Variants in RAD51B observed in about 807,000 individuals in gnomAD.
RAD51B encodes DNA repair protein RAD51 homolog 2.
A neutral mutation model predicts 42.2 loss-of-function variants in RAD51B; 38 were observed. The observed-to-expected ratio is 0.90, with a 90% CI of 0.70 to 1.18. RAD51B has a LOEUF of 1.18. Ranked by LOEUF, RAD51B falls within the 50% of genes most tolerant of loss-of-function variation. The pLI is 0.00. For synonymous variants in RAD51B, 154 were observed against 145.2 expected (o/e 1.06, Z -0.43); for missense variants, 373 against 400.7 (o/e 0.93, Z 0.59).
At chr14:67,925,032 G>GC (rs1380152335) in intron 7 of RAD51B, among the ~76,000 whole-genome samples, 2 of 152,302 alleles carry the variant, frequency 1.3e-5, no homozygotes, top group Non-Finnish European at 2.9e-5. Flanking sequence ...GGGGCTCCAG[G>GC]CCCCATGCAA....
chr14:67,901,302 C>A (rs554516693), intron 7 of RAD51B, among the ~76,000 whole-genome samples: 1 of 152,282 alleles, frequency 6.6e-6, no homozygotes, highest in South Asian at 2.1e-4. Context: ...TGAGTTGGGC[C>A]AAGTTAAGGA....
downstream of RAD51B, among the ~76,000 whole-genome samples, chr14:68,611,921 C>G (rs922015708): frequency 6.6e-6 from 1 of 152,110 alleles, no homozygotes; most frequent in African/African-American, 2.4e-5. Flanking sequence ...GGTTCATTCA[C>G]CTGTACGAAA....
intron 10 of RAD51B, among the ~76,000 whole-genome samples, chr14:68,621,812 G>C (rs941958930): frequency 2.6e-5 from 4 of 152,220 alleles, no homozygotes; most frequent in African/African-American, 9.7e-5. Flanking sequence ...CAGCAGCCAG[G>C]GCCCAGCTGA....
At chr14:67,851,457 A>T (rs1303427957) in intron 4 of RAD51B, among the ~76,000 whole-genome samples, 1 of 152,080 alleles carries the variant, frequency 6.6e-6, no homozygotes, top group Non-Finnish European at 1.5e-5. Flanking sequence ...GGGGTCGGCT[A>T]TGTGCAGTAG....
intron 7 of RAD51B, among the ~76,000 whole-genome samples, chr14:68,281,668 G>A (rs1289222503): frequency 1.3e-5 from 2 of 152,162 alleles, no homozygotes; most frequent in East Asian, 1.9e-4. Context: ...TACCATATAC[G>A]TGTAAAATGA....
chr14:68,460,100 T>C (rs2085805229), intron 9 of RAD51B, among the ~76,000 whole-genome samples: 3 of 152,160 alleles, frequency 2.0e-5, no homozygotes, highest in South Asian at 2.1e-4. Context: ...CACTTTTTCC[T>C]AAGGTTGGGG....
chr14:67,897,676 T>C (rs1474349100), intron 7 of RAD51B, among the ~76,000 whole-genome samples: 2 of 148,678 alleles, frequency 1.3e-5, no homozygotes, highest in Admixed American at 1.4e-4. Flanking sequence ...TGAGATGGAG[T>C]TTCGCTCTTG....
At chr14:68,514,474 CGCTCT>C (rs1233125333) in intron 10 of RAD51B, among the ~76,000 whole-genome samples, 1 of 152,162 alleles carries the variant, frequency 6.6e-6, no homozygotes, top group African/African-American at 2.4e-5. Flanking sequence ...CCTGCTCTGA[CGCTCT>C]GAAAGACATC....
At chr14:67,960,001 C>A (rs1443372454) in intron 7 of RAD51B, among the ~76,000 whole-genome samples, 1 of 151,888 alleles carries the variant, frequency 6.6e-6, no homozygotes, top group Non-Finnish European at 1.5e-5. Context: ...AGGAGAATTG[C>A]TTGAACCTGG....
At chr14:68,622,887 C>T (rs1891985558) in intron 10 of RAD51B, among the ~76,000 whole-genome samples, 1 of 152,048 alleles carries the variant, frequency 6.6e-6, no homozygotes, top group African/African-American at 2.4e-5. Context: ...CTAGACTCGC[C>T]CCCTCCTGAC....
intron 10 of RAD51B, among the ~76,000 whole-genome samples, chr14:68,501,730 T>G (rs1472869627): frequency 6.6e-6 from 1 of 152,282 alleles, no homozygotes; most frequent in Admixed American, 6.5e-5. Flanking sequence ...CGGTGCCCAC[T>G]TCTCAAGATA....
intron 10 of RAD51B, among the ~76,000 whole-genome samples, chr14:68,644,598 T>C (rs1450791111): frequency 6.6e-6 from 1 of 152,218 alleles, no homozygotes; most frequent in Non-Finnish European, 1.5e-5. Flanking sequence ...TTGCTCTCCT[T>C]CCTGAATCTC....
intron 7 of RAD51B, among the ~76,000 whole-genome samples, chr14:68,101,773 A>G (rs1034243960): frequency 6.6e-6 from 1 of 152,198 alleles, no homozygotes; most frequent in African/African-American, 2.4e-5. Flanking sequence ...GGTCTGGAGG[A>G]CAGTGGCCCT....
rs374407187 is a variant in RAD51B, at chr14:68,642,329, C to T, written c.1037-8452C>T. Among the ~76,000 whole-genome samples, 7 of 152,228 alleles carry T rather than the reference C, an allele frequency of 4.6e-5. No homozygotes were observed. The South Asian group carries it at 6.2e-4, about 14-fold the overall frequency. On this transcript the variant is annotated intron_variant, in intron 10 of 11. Transcript: ENST00000488612. ...TGTCTATTTCTTCTTGTATGAGTTT[C>T]GCCAGATTGTATCCTTTAAGGAATG...
intron 7 of RAD51B, among the ~76,000 whole-genome samples, chr14:68,042,624 A>G (rs532545809): frequency 6.6e-6 from 1 of 151,696 alleles, no homozygotes; most frequent in East Asian, 1.9e-4. Flanking sequence ...CCCCTTTCCC[A>G]TGCTTTTGTT....
At chr14:68,579,775 G>A (rs1890128262) in intron 10 of RAD51B, among the ~76,000 whole-genome samples, 1 of 152,202 alleles carries the variant, frequency 6.6e-6, no homozygotes, top group Non-Finnish European at 1.5e-5. Context: ...TTCTTTCCAA[G>A]GAGGCTGGCT....
intron 8 of RAD51B, among the ~76,000 whole-genome samples, chr14:68,403,705 G>A (rs1280320970): frequency 6.6e-6 from 1 of 152,316 alleles, no homozygotes; most frequent in East Asian, 1.9e-4. Flanking sequence ...GGATCCAAAA[G>A]ATAGTCATGA....
At chr14:68,117,269 A>G (rs2077566945) in intron 7 of RAD51B, among the ~76,000 whole-genome samples, 2 of 152,178 alleles carry the variant, frequency 1.3e-5, no homozygotes, top group Non-Finnish European at 1.5e-5. Flanking sequence ...GCCTTCCAAC[A>G]CAAATTTCAA....
intron 10 of RAD51B, among the ~76,000 whole-genome samples, chr14:68,542,498 T>C (rs1008977375): frequency 6.6e-6 from 1 of 152,150 alleles, no homozygotes; most frequent in Non-Finnish European, 1.5e-5. Context: ...AATGTGCAAA[T>C]TGTAGTGATT....
Sources: allele counts gnomAD v4.1 joint callset (sites outside exome capture counted in the v4.1 genomes callset), GRCh38; gene constraint gnomAD v4.1.1; transcripts MANE v1.5; gene names NCBI Gene and HGNC (gene_info 2026-07-23, HGNC 2026-07-21).